Variants in ATOSB observed in about 807,000 individuals in gnomAD.
The protein encoded by ATOSB is atos homolog protein B.
At chr9:35,113,629 AAAATAAATAAATAAATAAATAAATAAAT>A in the ATOSB span, among the ~76,000 whole-genome samples, 1 of 142,452 alleles carries the variant, frequency 7.0e-6, no homozygotes, top group African/African-American at 2.6e-5. Context: ...CTCCGTCTCA[AAAATAAATAAATAAATAAATAAATAAAT>A]AAATAAATAA....
At chr9:35,106,541 A>T in the ATOSB span, 1 of 1,579,832 alleles carries the variant, frequency 6.3e-7, no homozygotes, top group Non-Finnish European at 8.6e-7. This position sits in a 1 kb window ranked among gnomAD's most constrained non-coding sequence, Gnocchi z 4.6. Context: ...GAGCTACCTC[A>T]AAGTTGCCCA....
the ATOSB span, chr9:35,109,320 A>G: frequency 6.6e-6 from 1 of 152,356 alleles, no homozygotes; most frequent in Admixed American, 6.5e-5. Context: ...AACAAATCCG[A>G]CCAAAAACAA....
the ATOSB span, chr9:35,106,935 T>C: frequency 1.9e-5 from 29 of 1,527,058 alleles, no homozygotes; most frequent in African/African-American, 3.7e-4. This position sits in a 1 kb window ranked among gnomAD's most constrained non-coding sequence, Gnocchi z 4.6. Flanking sequence ...GTGAAGGCCA[T>C]GTATGTTTTG....
the ATOSB span, chr9:35,104,238 T>C: frequency 1.3e-5 from 2 of 152,694 alleles, no homozygotes; most frequent in Non-Finnish European, 2.9e-5. Context: ...TTTCAGCAAA[T>C]GCTTGTTCCC....
chr9:35,105,283 G>A, the ATOSB span: 6 of 1,614,130 alleles, frequency 3.7e-6, no homozygotes, highest in Admixed American at 1.0e-4. The surrounding 1 kb of genome is among the most constrained non-coding windows in gnomAD (Gnocchi z 5.5). Context: ...AGTTCGTAGG[G>A]GAGCCCTGTG....
At chr9:35,105,659 C>T in the ATOSB span, 1 of 1,608,162 alleles carries the variant, frequency 6.2e-7, no homozygotes, top group African/African-American at 1.3e-5. This position sits in a 1 kb window ranked among gnomAD's most constrained non-coding sequence, Gnocchi z 5.5. Flanking sequence ...GCCTCCCCAG[C>T]CATCCCTGGG....
At chr9:35,115,285 A>G in the ATOSB span, among the ~76,000 whole-genome samples, 1 of 152,198 alleles carries the variant, frequency 6.6e-6, no homozygotes, top group Non-Finnish European at 1.5e-5. Flanking sequence ...AAAGCTGAGC[A>G]GACAGGAGTG....
At chr9:35,113,768 T>C in the ATOSB span, among the ~76,000 whole-genome samples, 1 of 152,174 alleles carries the variant, frequency 6.6e-6, no homozygotes, top group Non-Finnish European at 1.5e-5. Flanking sequence ...CCCTCCACAA[T>C]TTCTTTCTCC....
the ATOSB span, chr9:35,108,212 A>C: frequency 6.3e-7 from 1 of 1,589,778 alleles, no homozygotes; most frequent in Non-Finnish European, 8.5e-7. Flanking sequence ...GCCTGACTGG[A>C]GGCTGTGAAG....
chr9:35,115,450 C>T, the ATOSB span, among the ~76,000 whole-genome samples: 1 of 151,936 alleles, frequency 6.6e-6, no homozygotes, highest in Non-Finnish European at 1.5e-5. Flanking sequence ...GGCCTACAAC[C>T]CCTTCCCCTA....
chr9:35,112,860 T>C, the ATOSB span, among the ~76,000 whole-genome samples: 1 of 151,966 alleles, frequency 6.6e-6, no homozygotes, highest in Non-Finnish European at 1.5e-5. Flanking sequence ...TGAGGTTATA[T>C]CACTAGATAG....
At chr9:35,106,939 T>C in the ATOSB span, 2 of 1,511,628 alleles carry the variant, frequency 1.3e-6, no homozygotes, top group East Asian at 2.5e-5. The surrounding 1 kb of genome is among the most constrained non-coding windows in gnomAD (Gnocchi z 4.6). Context: ...AGGCCATGTA[T>C]GTTTTGGGGC....
At chr9:35,105,399 G>A in the ATOSB span, 28 of 1,591,664 alleles carry the variant, frequency 1.8e-5, no homozygotes, top group Middle Eastern at 2.1e-4. The surrounding 1 kb of genome is among the most constrained non-coding windows in gnomAD (Gnocchi z 5.5). Flanking sequence ...TGTGATCAAC[G>A]TAAGAATCCA....
At chr9:35,105,825 C>T in the ATOSB span, 1 of 1,614,026 alleles carries the variant, frequency 6.2e-7, no homozygotes, top group Non-Finnish European at 8.5e-7. This position sits in a 1 kb window ranked among gnomAD's most constrained non-coding sequence, Gnocchi z 5.5. Context: ...CAAGGAACAT[C>T]TTTACCACAG....
the ATOSB span, chr9:35,105,635 G>T: frequency 1.3e-6 from 2 of 1,580,432 alleles, no homozygotes; most frequent in South Asian, 2.2e-5. The surrounding 1 kb of genome is among the most constrained non-coding windows in gnomAD (Gnocchi z 5.5). Flanking sequence ...CCTCTTCAGG[G>T]AGGGGATACC....
the ATOSB span, chr9:35,115,582 CAG>C: frequency 1.6e-5 from 2 of 123,364 alleles, no homozygotes; most frequent in Admixed American, 9.0e-5. Flanking sequence ...CCACATCAGA[CAG>C]AGACAGCCCC....
At chr9:35,107,019 C>G in the ATOSB span, 4 of 837,830 alleles carry the variant, frequency 4.8e-6, no homozygotes, top group Admixed American at 9.4e-5. Flanking sequence ...ACACAAATAT[C>G]CACTTAAGAG....
the ATOSB span, among the ~76,000 whole-genome samples, chr9:35,113,888 AAAC>A: frequency 6.6e-6 from 1 of 152,150 alleles, no homozygotes; most frequent in Admixed American, 6.5e-5. Flanking sequence ...TGACTGAAGA[AAAC>A]AACAGGCCCT....
the ATOSB span, chr9:35,107,237 C>A: frequency 3.1e-6 from 3 of 977,318 alleles, no homozygotes; most frequent in East Asian, 2.7e-5. Context: ...GTTGGAGGAT[C>A]CCTTGAGCCT....
Sources: gnomAD v4.1 joint callset for allele counts (sites outside exome capture counted in the v4.1 genomes callset) on GRCh38, gnomAD v4.1.1 for gene constraint, Gnocchi (gnomAD v3.1) non-coding constraint, MANE v1.5 for transcripts, NCBI Gene and HGNC (gene_info 2026-07-23, HGNC 2026-07-21) for gene names.